C1GALT1: variants seen among roughly 807,000 people sequenced by gnomAD.
The protein encoded by C1GALT1 is glycoprotein-N-acetylgalactosamine 3-beta-galactosyltransferase 1.
C1GALT1 carries 11 observed loss-of-function variants against 31.0 expected under a neutral mutation model. The ratio of observed to expected loss-of-function variants is 0.36; its 90% CI spans 0.22 to 0.59. C1GALT1 has a LOEUF of 0.59. Among genes scored for constraint, C1GALT1 ranks in the 20% least tolerant of loss-of-function variants. C1GALT1 has a pLI of 0.79. For synonymous variants in C1GALT1, 175 were observed against 143.6 expected (o/e 1.22, Z -1.56); for missense variants, 424 against 425.2 (o/e 1.00, Z 0.03).
At chr7:7,222,638 C>T (rs1448805145) in intron 1 of C1GALT1, among the ~76,000 whole-genome samples, 6 of 152,178 alleles carry the variant, frequency 3.9e-5, no homozygotes, top group African/African-American at 1.4e-4. Context: ...AGTTTGATTA[C>T]AGAAGACAGT....
chr7:7,164,144 GC>G (rs1313030597), intron 2 of C1GALT1, among the ~76,000 whole-genome samples: 23 of 152,054 alleles, frequency 1.5e-4, no homozygotes, highest in African/African-American at 5.6e-4. Context: ...ACAGAACAGA[GC>G]CCTCAGAAAT....
chr7:7,244,551 G>T lies in C1GALT1; in HGVS notation c.*824G>T, dbSNP rs1373666536. The stretch of plus-strand genomic sequence containing the variant: ...CCAAATTTGCCCATTGTTCATTATG[G>T]GTAACTAATAATAAATTTAATGCTG... On this transcript the variant is annotated 3_prime_UTR_variant, in exon 4 of 4. Coordinates refer to ENST00000436587, the MANE Select transcript of C1GALT1 (RefSeq NM_020156.5). 2 of 151,834 alleles carry T rather than the reference G, an allele frequency of 1.3e-5. No individual in the cohort carries two copies. Among genetic ancestry groups the T allele is most frequent in the African/African-American group, 4.8e-5 (2 of 41,310 alleles). The allele number at this position is 151,834 out of a possible 1,614,324, so 9.4% of individuals were successfully genotyped here. A position where few individuals can be genotyped will look rare whatever the true frequency, so the allele number is the denominator to read the frequency against.
intron 2 of C1GALT1, among the ~76,000 whole-genome samples, chr7:7,160,455 G>A (rs1390104762): frequency 6.6e-6 from 1 of 152,150 alleles, no homozygotes; most frequent in East Asian, 1.9e-4. Flanking sequence ...AGCAGTTGAT[G>A]TAGAACAGGC....
chr7:7,157,779 T>C (rs934001705), intron 2 of C1GALT1, among the ~76,000 whole-genome samples: 8 of 152,194 alleles, frequency 5.3e-5, no homozygotes, highest in Non-Finnish European at 1.0e-4. Context: ...TTCAGTTTCT[T>C]CATTAGCTAG....
At chr7:7,233,320 G>C (rs540281863) in intron 1 of C1GALT1, among the ~76,000 whole-genome samples, 1 of 152,002 alleles carries the variant, frequency 6.6e-6, no homozygotes, top group Non-Finnish European at 1.5e-5. Context: ...CTGGAGTTGA[G>C]TGGTGCAGTC....
chr7:7,221,520 C>T (rs1197749132), intron 1 of C1GALT1, among the ~76,000 whole-genome samples: 2 of 152,132 alleles, frequency 1.3e-5, no homozygotes, highest in Non-Finnish European at 2.9e-5. Flanking sequence ...CTTAAAATGT[C>T]TGGTGATTGA....
intron 1 of C1GALT1, among the ~76,000 whole-genome samples, chr7:7,203,220 G>C (rs905087381): frequency 6.6e-6 from 1 of 151,446 alleles, no homozygotes; most frequent in Non-Finnish European, 1.5e-5. Flanking sequence ...AATTGCTCTG[G>C]GTAGAACTTC....
intron 1 of C1GALT1, among the ~76,000 whole-genome samples, chr7:7,205,835 G>A (rs535579119): frequency 5.3e-5 from 8 of 152,248 alleles, no homozygotes; most frequent in Non-Finnish European, 1.2e-4. Context: ...ACAGCATGTA[G>A]TTGGATGATG....
chr7:7,173,245 A>G (rs1216833409), intron 2 of C1GALT1, among the ~76,000 whole-genome samples: 1 of 151,260 alleles, frequency 6.6e-6, no homozygotes, highest in African/African-American at 2.4e-5. Context: ...GTGTGGCATC[A>G]CCCCTCCACC....
upstream of C1GALT1, among the ~76,000 whole-genome samples, chr7:7,182,148 G>A (rs765072400): frequency 2.6e-5 from 4 of 152,130 alleles, no homozygotes; most frequent in Non-Finnish European, 2.9e-5. Context: ...AGAGAGCACG[G>A]GGAGAGAACA....
At chr7:7,169,397 G>A (rs966884639) in intron 2 of C1GALT1, among the ~76,000 whole-genome samples, 8 of 152,084 alleles carry the variant, frequency 5.3e-5, no homozygotes, top group Non-Finnish European at 1.2e-4. Flanking sequence ...TGGGTTGTAT[G>A]GTCATTCTAT....
intron 1 of C1GALT1, among the ~76,000 whole-genome samples, 161 bp downstream of exon 1, chr7:7,182,981 G>T (rs1257001809): frequency 6.6e-6 from 1 of 152,126 alleles, no homozygotes; most frequent in East Asian, 1.9e-4. Flanking sequence ...GGTCGTCCGG[G>T]CTCCTGAGGA....
rs1326798126 is a variant in C1GALT1 at position 7,243,635 on chromosome 7, A to G, written c.1000A>G (p.Arg334Gly). 6.2e-7 allele frequency: 1 copy of G among 1,612,406 alleles called. No homozygotes were observed. The highest frequency in any genetic ancestry group is 1.7e-5 in the Admixed American group (1 of 59,864). Reference protein sequence around the residue: ...YHLRPYGYLYRYQPTLPERIL... With the variant: ...YHLRPYGYLYGYQPTLPERIL... The stretch of plus-strand genomic sequence containing the variant: ...TCTTCGTCCATATGGTTATTTATAC[A>G]GATATCAACCTACCTTACCTGAACG... The change falls in exon 4 of 4, where the codon AGA (arginine) becomes GGA (glycine). Residue 334 changes from arginine (R) to glycine (G), a missense_variant. Coordinates refer to ENST00000436587, the MANE Select transcript of C1GALT1 (RefSeq NM_020156.5).
intron 2 of C1GALT1, among the ~76,000 whole-genome samples, chr7:7,236,563 C>T (rs573309029): frequency 6.6e-6 from 1 of 152,098 alleles, no homozygotes; most frequent in Admixed American, 6.6e-5. Flanking sequence ...GCTCTGTCAC[C>T]CAGGCTGGAC....
chr7:7,229,356 C>G (rs193114202), intron 1 of C1GALT1, among the ~76,000 whole-genome samples: 1 of 152,254 alleles, frequency 6.6e-6, no homozygotes, highest in African/African-American at 2.4e-5. Flanking sequence ...AACTCAGTAT[C>G]TGCTAATGCT....
At chr7:7,187,927 G>C (rs887142177) in intron 1 of C1GALT1, among the ~76,000 whole-genome samples, 6 of 152,136 alleles carry the variant, frequency 3.9e-5, no homozygotes, top group African/African-American at 1.4e-4. Context: ...TTTAGTTTTT[G>C]TCTTGTAGGC....
chr7:7,221,933 T>C (rs1782527956), intron 1 of C1GALT1, among the ~76,000 whole-genome samples: 1 of 152,116 alleles, frequency 6.6e-6, no homozygotes, highest in Non-Finnish European at 1.5e-5. Flanking sequence ...CAATGACTAA[T>C]GATATGAGTA....
intron 3 of C1GALT1, among the ~76,000 whole-genome samples, chr7:7,240,325 G>T (rs1783568741): frequency 1.3e-5 from 2 of 152,194 alleles, no homozygotes; most frequent in Non-Finnish European, 2.9e-5. Flanking sequence ...AATGTCAGTA[G>T]TACCATGGTT....
intron 1 of C1GALT1, among the ~76,000 whole-genome samples, chr7:7,205,230 AAC>A (rs762915807): frequency 3.5e-4 from 53 of 152,262 alleles, no homozygotes; most frequent in Admixed American, 2.2e-3. Flanking sequence ...ACCCCTGAAC[AAC>A]ACAGAGGTTA....
Sources: gnomAD v4.1 joint callset for allele counts (sites outside exome capture counted in the v4.1 genomes callset) on GRCh38, gnomAD v4.1.1 for gene constraint, MANE v1.5 for transcripts, NCBI Gene and HGNC (gene_info 2026-07-23, HGNC 2026-07-21) for gene names.